Variants in LBH observed in about 807,000 individuals in gnomAD.
LBH encodes the protein protein LBH.
LBH carries 7 observed loss-of-function variants against 12.5 expected under a neutral mutation model. The ratio of observed to expected loss-of-function variants is 0.56; its 90% CI spans 0.32 to 1.05. The LOEUF (loss-of-function observed/expected upper bound fraction) is 1.05, where lower values mean the gene tolerates loss of function less well. Among genes scored for constraint, LBH ranks in the 50% least tolerant of loss-of-function variants. The probability of loss-of-function intolerance (pLI) is 0.04; values close to 1 mark genes in which losing one functional copy is unlikely to be tolerated. For synonymous variants in LBH, 51 were observed against 50.1 expected (o/e 1.02, Z -0.08); for missense variants, 119 against 138.9 (o/e 0.86, Z 0.72).
At position 30,231,543 on chromosome 2, in the gene LBH, T is replaced by C; in HGVS notation, c.-196T>C. ...CCGGGCTCTTTGTGGGGCTGAGTGC[T>C]CAGTGGAGAGCGGGGAGTTGTGTCC... On this transcript the variant is annotated 5_prime_UTR_variant, in exon 1 of 3. Transcript: ENST00000395323. 2 of 604,602 alleles carry C rather than the reference T, an allele frequency of 3.3e-6. No homozygotes were observed. Among genetic ancestry groups the C allele is most frequent in the Middle Eastern group, 8.3e-4 (2 of 2,396 alleles). The allele number at this position is 604,602 out of a possible 1,614,324, so 37.5% of individuals were successfully genotyped here.
chr2:30,257,738 C>T lies in LBH; in HGVS notation c.*117C>T, dbSNP rs1678111217. On this transcript the variant is annotated 3_prime_UTR_variant, in exon 3 of 3. Transcript: ENST00000395323. Reference sequence around the variant, plus strand: ...ATTGTTCTGAAAATGTCAAACGAGGCTTCTGTTTTGCACCTGCAGATCACC... The same window carrying T: ...ATTGTTCTGAAAATGTCAAACGAGGTTTCTGTTTTGCACCTGCAGATCACC... 1 of 735,576 alleles carries T rather than the reference C, an allele frequency of 1.4e-6. No individual in the cohort carries two copies. The highest frequency in any genetic ancestry group is 2.4e-5 in the South Asian group (1 of 41,936). 45.6% of individuals were successfully genotyped at this position (735,576 alleles called of 1,614,324 possible).
At position 30,259,576 on chromosome 2, in the gene LBH, T is replaced by G. The variant is rs1203689803; in HGVS notation, c.*1955T>G. On this transcript the variant is annotated 3_prime_UTR_variant, in exon 3 of 3. Transcript: ENST00000395323. ...CTTATCTGCTACCCTGAATCACCTG[T>G]CCTGGTCTTGCTGTGTGATGGGAAC... The G allele has an allele frequency of 6.5e-6, 1 of 152,746 alleles. No individual in the cohort carries two copies. The highest frequency in any genetic ancestry group is 1.5e-5 in the Non-Finnish European group (1 of 68,140). The allele number at this position is 152,746 out of a possible 1,614,324, so 9.5% of individuals were successfully genotyped here.
intron 2 of LBH, among the ~76,000 whole-genome samples, chr2:30,243,073 T>C (rs1677816379): frequency 6.6e-6 from 1 of 152,218 alleles, no homozygotes; most frequent in African/African-American, 2.4e-5. Flanking sequence ...GATGGGATAA[T>C]GGTAGAGCTT....
rs147156102 is a variant in LBH at position 30,257,587 on chromosome 2, G to A, written c.284G>A (p.Cys95Tyr). 1.2e-6 allele frequency: 2 copies of A among 1,613,446 alleles called. No homozygotes were observed. The highest frequency in any genetic ancestry group is 2.7e-5 in the African/African-American group (2 of 74,866). ...GTCCAGGAGGATGAGCAAGATAACTGCGAAGAGACAGCGAAAGAAAATAAA... is the reference window on the plus strand; with the variant it reads ...GTCCAGGAGGATGAGCAAGATAACTACGAAGAGACAGCGAAAGAAAATAAA... Reference protein sequence around the residue: ...FLVQEDEQDNCEETAKENKEQ With the variant: ...FLVQEDEQDNYEETAKENKEQ The change falls in exon 3 of 3, where the codon TGC becomes TAC. Residue 95 changes from cysteine (C) to tyrosine (Y), a missense_variant. Transcript: ENST00000395323.
intron 2 of LBH, among the ~76,000 whole-genome samples, chr2:30,253,733 C>G (rs1678028349): frequency 6.6e-6 from 1 of 152,094 alleles, no homozygotes; most frequent in East Asian, 1.9e-4. Context: ...GAAACTGCTC[C>G]AAAGAGGACA....
intron 2 of LBH, among the ~76,000 whole-genome samples, chr2:30,250,295 C>G (rs959965778): frequency 1.1e-4 from 16 of 152,032 alleles, no homozygotes; most frequent in Non-Finnish European, 1.5e-5. Context: ...CGGCCTTCCT[C>G]TTTCCTCTTT....
rs188542694 is a variant in LBH at position 30,243,811 on chromosome 2, G to A, written c.129+9304G>A. 4.0e-3 allele frequency among the ~76,000 whole-genome samples: 603 copies of A among 151,982 alleles called. 2 individuals are homozygous for A. Among genetic ancestry groups the A allele is most frequent in the Non-Finnish European group, 6.9e-3 (472 of 67,954 alleles). On this transcript the variant is annotated intron_variant, in intron 2 of 2. Transcript: ENST00000395323. ...CCCAAATTGCTGGGATTACAGACGT[G>A]AGCCACTGCGCCTGGCCTGGGCTGG...
At chr2:30,245,228 TAA>T (rs1271703444) in intron 2 of LBH, among the ~76,000 whole-genome samples, 1 of 152,228 alleles carries the variant, frequency 6.6e-6, no homozygotes, top group African/African-American at 2.4e-5. Context: ...AGATTTGACT[TAA>T]GAGCTTGTTC....
At chr2:30,234,545 C>A in intron 2 of LBH, 38 bp downstream of exon 2, 1 of 1,509,822 alleles carries the variant, frequency 6.6e-7, no homozygotes, top group Non-Finnish European at 9.2e-7. Flanking sequence ...TCTCTAGAGC[C>A]TAGTGGTTTT....
chr2:30,245,410 G>T (rs999803783), intron 2 of LBH, among the ~76,000 whole-genome samples: 2 of 152,292 alleles, frequency 1.3e-5, no homozygotes, highest in Admixed American at 1.3e-4. Flanking sequence ...GAATTCCACT[G>T]GGGACTACAC....
chr2:30,234,630 CCT>C, intron 2 of LBH, 123 bp downstream of exon 2: 2 of 645,310 alleles, frequency 3.1e-6, no homozygotes, highest in African/African-American at 1.8e-5. Context: ...GGCAGAGTCC[CCT>C]AATGCCAGTA....
chr2:30,251,683 A>C (rs1364451202), intron 2 of LBH, among the ~76,000 whole-genome samples: 1 of 140,544 alleles, frequency 7.1e-6, no homozygotes, highest in Non-Finnish European at 1.6e-5. Flanking sequence ...AAAAAAAAAA[A>C]AAAACTAATA....
chr2:30,255,265 TG>T (rs1678060964), intron 2 of LBH, among the ~76,000 whole-genome samples: 1 of 151,586 alleles, frequency 6.6e-6, no homozygotes, highest in East Asian at 1.9e-4. Flanking sequence ...ACCCAAGAAA[TG>T]AGGACGCACC....
intron 2 of LBH, among the ~76,000 whole-genome samples, chr2:30,251,364 CA>C (rs1295381577): frequency 1.3e-5 from 2 of 152,166 alleles, no homozygotes; most frequent in Admixed American, 6.5e-5. Context: ...CAGTATCTTA[CA>C]GACCATCTCT....
intron 2 of LBH, among the ~76,000 whole-genome samples, chr2:30,255,329 G>A (rs537103350): frequency 7.9e-5 from 12 of 152,284 alleles, no homozygotes; most frequent in East Asian, 3.9e-4. Flanking sequence ...TGGGCACAGC[G>A]CCGTCTGAGG....
chr2:30,257,322 T>G, intron 2 of LBH, 111 bp from the exon 3 acceptor site: 1 of 1,197,338 alleles, frequency 8.4e-7, no homozygotes, highest in Admixed American at 1.8e-5. Context: ...CAAAGCACAG[T>G]CCCTGGCCTA....
At chr2:30,231,883 A>G in intron 1 of LBH, 119 bp downstream of exon 1, 1 of 651,538 alleles carries the variant, frequency 1.5e-6, no homozygotes, top group Non-Finnish European at 2.0e-6. Context: ...CTCAGCGCTA[A>G]CCCGCCGCCC....
intron 1 of LBH, chr2:30,232,398 T>C: frequency 1.2e-6 from 1 of 809,764 alleles, no homozygotes; most frequent in Non-Finnish European, 1.8e-6. Context: ...TTCGCCGTGC[T>C]GAAGGGGAAG....
At chr2:30,236,518 A>G (rs1340706098) in intron 2 of LBH, among the ~76,000 whole-genome samples, 2 of 152,172 alleles carry the variant, frequency 1.3e-5, no homozygotes, top group African/African-American at 4.8e-5. Flanking sequence ...CTTACTTGGA[A>G]CTTCAGAGCA....
Sources: allele counts gnomAD v4.1 joint callset (sites outside exome capture counted in the v4.1 genomes callset), GRCh38; gene constraint gnomAD v4.1.1; transcripts MANE v1.5; gene names NCBI Gene and HGNC (gene_info 2026-07-23, HGNC 2026-07-21).